The following BICD1 variants were observed in gnomAD, a reference collection of about 807,000 sequenced individuals.
BICD1 encodes BICD cargo adaptor 1, also known as protein bicaudal D homolog 1.
BICD1 carries 35 observed loss-of-function variants against 92.5 expected under a neutral mutation model. The ratio of observed to expected loss-of-function variants is 0.38; its 90% CI spans 0.29 to 0.50. The LOEUF is 0.50. BICD1 is among the 20% of genes least tolerant of loss of function. The probability of loss-of-function intolerance (pLI) is 0.93; values close to 1 mark genes in which losing one functional copy is unlikely to be tolerated. For synonymous variants in BICD1, 429 were observed against 465.1 expected, an observed-to-expected ratio of 0.92 and a Z score of 1.00; for missense variants, 950 against 1,189.8, an observed-to-expected ratio of 0.80 and a Z score of 2.97.
chr12:32,152,105 C>T (rs569619268), intron 1 of BICD1, among the ~76,000 whole-genome samples: 5 of 152,030 alleles, frequency 3.3e-5, no homozygotes, highest in Non-Finnish European at 7.4e-5. Context: ...TACAGGCACA[C>T]GCTACCATGC....
Position 32,216,364 on chromosome 12 carries a change from G to A in BICD1, c.331G>A (p.Glu111Lys). 6.2e-7 allele frequency: 1 copy of A among 1,614,174 alleles called. No individual in the cohort carries two copies. The highest frequency in any genetic ancestry group is 8.5e-7 in the Non-Finnish European group (1 of 1,180,036). The change falls in exon 2 of 10, where the codon GAG becomes AAG. Residue 111 changes from glutamate to lysine, a missense_variant. Glu to Lys is a moderately conservative substitution (Grantham distance 56, BLOSUM62 1). Around this residue, in one of 5 missense-constraint regions of BICD1, gnomAD observed 202 missense variants for 205.3 expected, o/e 0.98. Transcript: ENST00000652176. ...KEAYYLGKIL[E>K]MQNELKQSRA... ...GGCTTACTATCTGGGGAAGATCTTG[G>A]AGATGCAGAACGAGCTGAAACAGAG...
intron 2 of BICD1, among the ~76,000 whole-genome samples, chr12:32,248,069 C>T (rs796682092): frequency 3.7e-4 from 56 of 151,934 alleles, no homozygotes; most frequent in African/African-American, 1.1e-3. Flanking sequence ...AGTGACAGAG[C>T]GAGACTCCAT....
At chr12:32,186,314 A>G (rs1944422364) in intron 1 of BICD1, among the ~76,000 whole-genome samples, 1 of 152,214 alleles carries the variant, frequency 6.6e-6, no homozygotes, top group South Asian at 2.1e-4. Flanking sequence ...TTCTACTATA[A>G]AAATATAAGT....
At chr12:32,269,364 A>T (rs1014703811) in intron 2 of BICD1, among the ~76,000 whole-genome samples, 9 of 152,304 alleles carry the variant, frequency 5.9e-5, no homozygotes, top group African/African-American at 1.7e-4. Flanking sequence ...TGTTTCTTTA[A>T]TGTGAATTAC....
rs1178198575 is a variant in BICD1, at chr12:32,364,068, A to G, written c.2765-3602A>G. On this transcript the variant is annotated intron_variant, in intron 8 of 9. Coordinates refer to ENST00000652176, the MANE Select transcript of BICD1 (RefSeq NM_001714.4). Reference sequence around the variant, plus strand: ...CACACTTCAATGTAGTTGCTTATTAAATATGCTTATCTTCCTTGATAAAAC... The same window carrying G: ...CACACTTCAATGTAGTTGCTTATTAGATATGCTTATCTTCCTTGATAAAAC... Among the ~76,000 whole-genome samples the G allele has an allele frequency of 2.0e-5, 3 of 152,168 alleles. No individual in the cohort carries two copies. In the East Asian group the frequency reaches 5.8e-4, roughly 29 times the overall value.
intron 1 of BICD1, among the ~76,000 whole-genome samples, chr12:32,182,886 C>G (rs371855875): frequency 1.2e-5 from 1 of 80,418 alleles, no homozygotes; most frequent in Admixed American, 1.5e-4. Context: ...TCTTTTCTTT[C>G]TTTCTTTTTT....
chr12:32,137,958 T>C (rs765971973), intron 1 of BICD1, among the ~76,000 whole-genome samples: 53 of 152,048 alleles, frequency 3.5e-4, no homozygotes, highest in Non-Finnish European at 3.4e-4. Flanking sequence ...TCACCATGCC[T>C]GGTTAATTTT....
intron 1 of BICD1, among the ~76,000 whole-genome samples, chr12:32,192,987 G>A (rs986898295): frequency 2.6e-5 from 4 of 152,234 alleles, no homozygotes; most frequent in African/African-American, 9.6e-5. Context: ...TGAAGATGCT[G>A]TGGATATTGT....
At chr12:32,159,241 G>A (rs569267565) in intron 1 of BICD1, among the ~76,000 whole-genome samples, 3 of 152,192 alleles carry the variant, frequency 2.0e-5, no homozygotes, top group South Asian at 2.1e-4. Context: ...CTCATCAAAC[G>A]TTTGATTTAT....
At chr12:32,287,759 G>A (rs1255721929) in intron 2 of BICD1, among the ~76,000 whole-genome samples, 2 of 152,120 alleles carry the variant, frequency 1.3e-5, no homozygotes, top group Admixed American at 6.5e-5. Context: ...GGATGATCTC[G>A]ATCTCTTGAC....
chr12:32,164,726 G>A (rs2668274), intron 1 of BICD1, among the ~76,000 whole-genome samples: 1 of 152,188 alleles, frequency 6.6e-6, no homozygotes, highest in Non-Finnish European at 1.5e-5. Flanking sequence ...ACAGCACGTA[G>A]ATAGTTAAAG....
At chr12:32,279,447 T>C (rs937087612) in intron 2 of BICD1, among the ~76,000 whole-genome samples, 1 of 152,234 alleles carries the variant, frequency 6.6e-6, no homozygotes, top group African/African-American at 2.4e-5. Context: ...TAAAAATACA[T>C]GTTCCACCCA....
At chr12:32,272,700 C>A (rs2136149858) in intron 2 of BICD1, among the ~76,000 whole-genome samples, 1 of 152,280 alleles carries the variant, frequency 6.6e-6, no homozygotes, top group South Asian at 2.1e-4. Context: ...GTGACGTGCA[C>A]CTGTAATCTC....
At chr12:32,125,343 G>C (rs1263396378) in intron 1 of BICD1, among the ~76,000 whole-genome samples, 3 of 152,104 alleles carry the variant, frequency 2.0e-5, no homozygotes, top group African/African-American at 7.2e-5. Flanking sequence ...TTGTTAATTA[G>C]GATTCATTGG....
At chr12:32,130,060 G>C (rs1440496183) in intron 1 of BICD1, among the ~76,000 whole-genome samples, 1 of 152,152 alleles carries the variant, frequency 6.6e-6, no homozygotes, top group Non-Finnish European at 1.5e-5. Flanking sequence ...AAAGGACAAA[G>C]AGCAACTAGT....
chr12:32,339,399 C>G (rs978385052), intron 8 of BICD1: 1 of 987,406 alleles, frequency 1.0e-6, no homozygotes, highest in Non-Finnish European at 1.2e-6. Flanking sequence ...GGGCTGATTT[C>G]CTTTTGTGGT....
chr12:32,132,457 GT>G (rs1942585234), intron 1 of BICD1, among the ~76,000 whole-genome samples: 3 of 151,478 alleles, frequency 2.0e-5, no homozygotes, highest in Non-Finnish European at 2.9e-5. Flanking sequence ...AATGAACTGG[GT>G]TTTTGTGAAA....
Position 32,378,300 on chromosome 12 carries a change from G to A in BICD1, c.*673G>A, listed in dbSNP as rs571333165. On this transcript the variant is annotated 3_prime_UTR_variant, in exon 10 of 10. Transcript: ENST00000652176. ...TTAGGCACTTACTTTCTAATCAGTA[G>A]CTCATTAACTGCTGGGTTTTGTTTT... The A allele has an allele frequency of 6.6e-6, 1 of 152,314 alleles. No homozygotes were observed. Among genetic ancestry groups the A allele is most frequent in the Admixed American group, 6.5e-5 (1 of 15,294 alleles). 9.4% of individuals were successfully genotyped at this position (152,314 alleles called of 1,614,324 possible).
intron 9 of BICD1, among the ~76,000 whole-genome samples, chr12:32,372,477 TC>T (rs1411616208): frequency 6.6e-6 from 1 of 152,044 alleles, no homozygotes; most frequent in Admixed American, 6.6e-5. Flanking sequence ...TGAGACTCCA[TC>T]TTAAAAAAAA....
Sources: allele counts gnomAD v4.1 joint callset (sites outside exome capture counted in the v4.1 genomes callset), GRCh38; gene constraint gnomAD v4.1.1; regional missense constraint gnomAD v4.1.1; transcripts MANE v1.5; gene names NCBI Gene and HGNC (gene_info 2026-07-23, HGNC 2026-07-21).